Variants in STPG2 observed in about 807,000 individuals in gnomAD.
The protein encoded by STPG2 is sperm-tail PG-rich repeat-containing protein 2.
In STPG2, 56 loss-of-function variants were observed where a neutral mutation model predicts 54.2. The ratio of observed to expected loss-of-function variants is 1.03; its 90% CI spans 0.83 to 1.29. The LOEUF is 1.29. Among genes scored for constraint, STPG2 ranks in the 50% most tolerant of loss-of-function variants. STPG2 has a pLI of 0.00. For synonymous variants in STPG2, 200 were observed against 181.8 expected (o/e 1.10, Z -0.81); for missense variants, 596 against 544.9 (o/e 1.09, Z -0.93).
intron 8 of STPG2, among the ~76,000 whole-genome samples, chr4:97,883,158 A>AAT (rs1283139573): frequency 2.3e-4 from 35 of 150,790 alleles, no homozygotes; most frequent in African/African-American, 5.3e-4. Context: ...TCTCTACAGA[A>AAT]ATATATATAT....
intron 10 of STPG2, among the ~76,000 whole-genome samples, chr4:97,579,307 A>T (rs1420655354): frequency 6.6e-6 from 1 of 152,052 alleles, no homozygotes; most frequent in Non-Finnish European, 1.5e-5. Context: ...ACAAAACATT[A>T]TCTATGGGAG....
chr4:97,532,304 A>G (rs963076357), intron 4 of STPG2, among the ~76,000 whole-genome samples: 1 of 152,154 alleles, frequency 6.6e-6, no homozygotes, highest in Non-Finnish European at 1.5e-5. Context: ...TGCAGTTAAA[A>G]TGTTCACACA....
intron 10 of STPG2, among the ~76,000 whole-genome samples, chr4:97,711,507 T>C (rs2149006859): frequency 6.6e-6 from 1 of 152,224 alleles, no homozygotes; most frequent in South Asian, 2.1e-4. Context: ...TCTAATAAAA[T>C]TAGCTTTGCT....
rs1560685924 is a variant in STPG2, at chr4:98,114,764, T to TG, written c.388-5460_388-5459insC. Among the ~76,000 whole-genome samples the TG allele has an allele frequency of 4.4e-3, 564 of 128,492 alleles. 3 individuals carry two copies. Among genetic ancestry groups the TG allele is most frequent in the African/African-American group, 0.016 (537 of 33,024 alleles). 84.3% of individuals were successfully genotyped at this position (128,492 alleles called of 152,430 possible). A position where few individuals can be genotyped will look rare whatever the true frequency, so the allele number is the denominator to read the frequency against. The stretch of plus-strand genomic sequence containing the variant: ...CCACAATAATATCCATTTTTTTTTT[T>TG]TTGTGTGTGTGTGTGTGTGTGTGTG... On this transcript the variant is annotated intron_variant, in intron 3 of 10. Transcript: ENST00000295268.
At chr4:97,701,323 AC>A (rs1467776480) in intron 10 of STPG2, among the ~76,000 whole-genome samples, 3 of 151,818 alleles carry the variant, frequency 2.0e-5, no homozygotes, top group Non-Finnish European at 4.4e-5. Flanking sequence ...CTGAGCTAAA[AC>A]CCCTTTAATT....
chr4:97,884,479 C>T (rs1162847891), intron 8 of STPG2, among the ~76,000 whole-genome samples: 1 of 151,918 alleles, frequency 6.6e-6, no homozygotes, highest in African/African-American at 2.4e-5. Context: ...GTGAAGACAC[C>T]AGAAAAAGAT....
chr4:98,108,162 G>C (rs764583143), intron 4 of STPG2, among the ~76,000 whole-genome samples: 1 of 152,070 alleles, frequency 6.6e-6, no homozygotes, highest in East Asian at 1.9e-4. Flanking sequence ...TTTACTCAAT[G>C]AATGAACAGT....
At chr4:97,772,034 G>A (rs1184608386) in intron 9 of STPG2, among the ~76,000 whole-genome samples, 2 of 152,152 alleles carry the variant, frequency 1.3e-5, no homozygotes, top group African/African-American at 4.8e-5. Flanking sequence ...CCAGAAACTG[G>A]AGAGCCCCTT....
At chr4:97,551,739 C>T (rs1456848543) in intron 4 of STPG2, among the ~76,000 whole-genome samples, 1 of 152,180 alleles carries the variant, frequency 6.6e-6, no homozygotes, top group Non-Finnish European at 1.5e-5. Context: ...CGCTCATGTA[C>T]ATAGAAAAAA....
chr4:97,904,413 C>G (rs913234904), intron 8 of STPG2, among the ~76,000 whole-genome samples: 17 of 152,180 alleles, frequency 1.1e-4, no homozygotes, highest in African/African-American at 3.9e-4. Context: ...AAAAGGAAAA[C>G]TAACAAACAG....
At chr4:98,059,742 T>A (rs1737587174) in intron 5 of STPG2, among the ~76,000 whole-genome samples, 1 of 151,806 alleles carries the variant, frequency 6.6e-6, no homozygotes, top group South Asian at 2.1e-4. Flanking sequence ...ATCCCCAGGA[T>A]GCAAGGTTGA....
chr4:97,684,262 A>T (rs1172617174), intron 10 of STPG2, among the ~76,000 whole-genome samples: 1 of 151,954 alleles, frequency 6.6e-6, no homozygotes, highest in African/African-American at 2.4e-5. Context: ...TTGTATAGAA[A>T]GGAAAAAGAT....
intron 10 of STPG2, among the ~76,000 whole-genome samples, chr4:97,595,171 T>C (rs369170141): frequency 3.5e-4 from 54 of 152,272 alleles, no homozygotes; most frequent in East Asian, 2.7e-3. Flanking sequence ...TGCAGCACTA[T>C]TCACAATAGC....
At chr4:98,061,364 G>C (rs1482748378) in intron 5 of STPG2, among the ~76,000 whole-genome samples, 1 of 152,122 alleles carries the variant, frequency 6.6e-6, no homozygotes, top group African/African-American at 2.4e-5. Context: ...CAAAAAGGAA[G>C]AATGCATCTT....
At chr4:97,845,956 A>G (rs746384088) in intron 8 of STPG2, among the ~76,000 whole-genome samples, 1 of 152,180 alleles carries the variant, frequency 6.6e-6, no homozygotes, top group Non-Finnish European at 1.5e-5. Context: ...TTTGAAAGTC[A>G]CATAGTACAG....
intron 5 of STPG2, among the ~76,000 whole-genome samples, chr4:98,067,224 G>A (rs1410860219): frequency 6.6e-6 from 1 of 152,126 alleles, no homozygotes; most frequent in Non-Finnish European, 1.5e-5. Context: ...TTAGAGAGAG[G>A]TAGGCTTTTT....
chr4:97,785,134 T>C (rs1726784714), intron 9 of STPG2, among the ~76,000 whole-genome samples: 1 of 152,052 alleles, frequency 6.6e-6, no homozygotes, highest in Admixed American at 6.6e-5. Flanking sequence ...TTTACTAGTC[T>C]TTCAAGTATG....
intron 5 of STPG2, among the ~76,000 whole-genome samples, chr4:98,012,475 A>C (rs926707345): frequency 5.9e-5 from 9 of 152,276 alleles, no homozygotes; most frequent in Admixed American, 3.9e-4. Context: ...AGTTTTTTCT[A>C]AATCTGTGAA....
intron 10 of STPG2, among the ~76,000 whole-genome samples, chr4:97,704,560 G>T (rs1723882841): frequency 1.3e-5 from 2 of 152,190 alleles, no homozygotes; most frequent in South Asian, 2.1e-4. Flanking sequence ...AAGCAAGGTT[G>T]TAGTCCATGG....
Sources: allele counts gnomAD v4.1 joint callset (sites outside exome capture counted in the v4.1 genomes callset), GRCh38; gene constraint gnomAD v4.1.1; transcripts MANE v1.5; gene names NCBI Gene and HGNC (gene_info 2026-07-23, HGNC 2026-07-21).